The following SLC8A1 variants were observed in gnomAD, a reference collection of about 807,000 sequenced individuals.
SLC8A1 encodes sodium/calcium exchanger 1.
Under a neutral mutation model 68.3 loss-of-function variants are expected in SLC8A1, and 18 were observed. The observed-to-expected ratio is 0.26, with a 90% CI of 0.18 to 0.39. SLC8A1 has a LOEUF of 0.39. SLC8A1 is among the 10% of genes least tolerant of loss of function. The probability of loss-of-function intolerance (pLI) is 1.00; values close to 1 mark genes in which losing one functional copy is unlikely to be tolerated. For missense variants in SLC8A1, 985 were observed against 1,156.7 expected, an observed-to-expected ratio of 0.85 and a Z score of 2.15; for synonymous variants, 475 against 415.5, an observed-to-expected ratio of 1.14 and a Z score of -1.74.
exon 8 of SLC8A1, chr2:40,098,600 A>T (rs937967264): frequency 5.3e-5 from 8 of 152,044 alleles, no homozygotes; most frequent in African/African-American, 1.7e-4. Flanking sequence ...ATTTGAAAAG[A>T]TTAGCTAAAA....
intron 2 of SLC8A1, among the ~76,000 whole-genome samples, chr2:40,205,475 C>G (rs1469480459): frequency 6.6e-6 from 1 of 151,888 alleles, no homozygotes; most frequent in Non-Finnish European, 1.5e-5. Flanking sequence ...TTTTCTTTAT[C>G]CAGTCTATCA....
chr2:40,414,014 A>G (rs545216790), intron 2 of SLC8A1, among the ~76,000 whole-genome samples: 2 of 152,294 alleles, frequency 1.3e-5, no homozygotes, highest in Admixed American at 6.5e-5. Context: ...TGTAAGAATT[A>G]TGTAAGAGAA....
intron 2 of SLC8A1, among the ~76,000 whole-genome samples, chr2:40,343,686 A>T (rs1343539777): frequency 6.6e-6 from 1 of 152,158 alleles, no homozygotes; most frequent in Non-Finnish European, 1.5e-5. Context: ...TTAAATATAG[A>T]CATATCATAA....
chr2:40,192,894 T>C (rs1295702791), intron 2 of SLC8A1, among the ~76,000 whole-genome samples: 4 of 152,122 alleles, frequency 2.6e-5, no homozygotes, highest in Admixed American at 6.6e-5. Context: ...GGAAATACAA[T>C]CCTGGGTCTT....
chr2:40,253,997 T>A (rs1338276238), intron 2 of SLC8A1, among the ~76,000 whole-genome samples: 1 of 146,802 alleles, frequency 6.8e-6, no homozygotes, highest in Non-Finnish European at 1.5e-5. Flanking sequence ...TGATTTTATA[T>A]TTCAAAATAG....
At chr2:40,273,881 T>C (rs2066362176) in intron 2 of SLC8A1, among the ~76,000 whole-genome samples, 2 of 140,908 alleles carry the variant, frequency 1.4e-5, no homozygotes, top group East Asian at 2.0e-4. Context: ...TTTTTTTTTT[T>C]CCATTTTAGT....
intron 2 of SLC8A1, among the ~76,000 whole-genome samples, chr2:40,350,686 A>G (rs1314836768): frequency 6.6e-6 from 1 of 150,906 alleles, no homozygotes; most frequent in Non-Finnish European, 1.5e-5. Flanking sequence ...AGCCTTATAT[A>G]AGTATATCTT....
intron 2 of SLC8A1, among the ~76,000 whole-genome samples, chr2:40,316,800 G>A (rs945537584): frequency 6.6e-6 from 1 of 152,058 alleles, no homozygotes; most frequent in East Asian, 1.9e-4. Context: ...ACATTACCCA[G>A]TGGTGGCCCA....
chr2:40,407,179 G>C (rs559128567), intron 2 of SLC8A1, among the ~76,000 whole-genome samples: 1 of 152,108 alleles, frequency 6.6e-6, no homozygotes, highest in Non-Finnish European at 1.5e-5. Flanking sequence ...AGATTCTCCT[G>C]CTCAGCCTCC....
chr2:40,157,087 C>T (rs943825259), intron 6 of SLC8A1, among the ~76,000 whole-genome samples: 3 of 152,058 alleles, frequency 2.0e-5, no homozygotes, highest in African/African-American at 4.8e-5. Context: ...AGAAGTTAAC[C>T]AGTGTGTTTT....
At chr2:40,195,904 A>G (rs2052895052) in intron 2 of SLC8A1, 2 of 152,058 alleles carry the variant, frequency 1.3e-5, no homozygotes, top group Non-Finnish European at 2.9e-5. Flanking sequence ...AAGAAATGTG[A>G]AATCCAATAT....
At chr2:40,243,582 G>C (rs895179053) in intron 2 of SLC8A1, among the ~76,000 whole-genome samples, 3 of 152,194 alleles carry the variant, frequency 2.0e-5, no homozygotes, top group African/African-American at 7.2e-5. Flanking sequence ...TTTTACCTCT[G>C]TTTTAGACTA....
chr2:40,505,651 CA>C (rs1383078698), intron 1 of SLC8A1, among the ~76,000 whole-genome samples: 2 of 151,860 alleles, frequency 1.3e-5, no homozygotes, highest in East Asian at 3.9e-4. Context: ...CAAAGGGGAG[CA>C]GTTGATTTGT....
intron 1 of SLC8A1, among the ~76,000 whole-genome samples, chr2:40,470,905 C>A (rs540439679): frequency 6.6e-6 from 1 of 152,190 alleles, no homozygotes; most frequent in East Asian, 1.9e-4. Context: ...AAAAAAGATC[C>A]TTGTCACTTA....
At chr2:40,299,045 C>T (rs2070943092) in intron 2 of SLC8A1, among the ~76,000 whole-genome samples, 1 of 151,944 alleles carries the variant, frequency 6.6e-6, no homozygotes, top group Non-Finnish European at 1.5e-5. Context: ...GTAAGAAAAA[C>T]ACAATGTTCC....
At chr2:40,421,047 A>G (rs2149745128) in intron 2 of SLC8A1, among the ~76,000 whole-genome samples, 1 of 152,150 alleles carries the variant, frequency 6.6e-6, no homozygotes, top group South Asian at 2.1e-4. Context: ...TGTTTAATAA[A>G]TCTTAGTGCC....
At chr2:40,303,079 A>G (rs1190470297) in intron 2 of SLC8A1, among the ~76,000 whole-genome samples, 2 of 152,216 alleles carry the variant, frequency 1.3e-5, no homozygotes, top group Admixed American at 1.3e-4. Context: ...AATGAATTGA[A>G]TCTGTATACA....
At chr2:40,255,492 A>ATGTGTAGTAGGGAGAAAGTGTTCTGGAC (rs1333052766) in intron 2 of SLC8A1, among the ~76,000 whole-genome samples, 9 of 152,196 alleles carry the variant, frequency 5.9e-5, no homozygotes, top group Admixed American at 2.6e-4. Context: ...AAAGAGGCTG[A>ATGTGTAGTAGGGAGAAAGTGTTCTGGAC]TGTGTAGTAG....
chr2:40,162,848 AAT>A (rs2045920379), intron 5 of SLC8A1, among the ~76,000 whole-genome samples: 1 of 152,180 alleles, frequency 6.6e-6, no homozygotes, highest in Non-Finnish European at 1.5e-5. Context: ...CACCATAGTA[AAT>A]AAGAACTCAG....
Sources: gnomAD v4.1 joint callset for allele counts (sites outside exome capture counted in the v4.1 genomes callset) on GRCh38, gnomAD v4.1.1 for gene constraint, MANE v1.5 for transcripts, NCBI Gene and HGNC (gene_info 2026-07-23, HGNC 2026-07-21) for gene names.